The following GUCY1A1 variants were observed in gnomAD, a reference collection of about 807,000 sequenced individuals.
GUCY1A1 encodes guanylate cyclase soluble subunit alpha-1.
A neutral mutation model predicts 64.5 loss-of-function variants in GUCY1A1; 48 were observed. The observed-to-expected ratio is 0.74, with a 90% CI of 0.59 to 0.95. The LOEUF is 0.95. Among genes scored for constraint, GUCY1A1 ranks in the 40% least tolerant of loss-of-function variants. The probability of loss-of-function intolerance (pLI) is 0.00; values close to 1 mark genes in which losing one functional copy is unlikely to be tolerated. For missense variants in GUCY1A1, 804 were observed against 825.3 expected (o/e 0.97, Z 0.32); for synonymous variants, 308 against 303.4 (o/e 1.02, Z -0.16).
intron 4 of GUCY1A1, among the ~76,000 whole-genome samples, chr4:155,707,560 A>G (rs1427968125): frequency 1.3e-5 from 2 of 152,052 alleles, no homozygotes; most frequent in Admixed American, 1.3e-4. Flanking sequence ...ACTTTGAAGT[A>G]CAGTTTCCAC....
Position 155,734,929 on chromosome 4 carries a change from T to C in GUCY1A1, c.*4698T>C, listed in dbSNP as rs1735913802. The C allele has an allele frequency of 6.6e-6, 1 of 151,960 alleles. No homozygotes were observed. Among genetic ancestry groups the C allele is most frequent in the African/African-American group, 2.4e-5 (1 of 41,404 alleles). The allele number at this position is 151,960 out of a possible 1,614,324, so 9.4% of individuals were successfully genotyped here. Reference sequence around the variant, plus strand: ...AATCAATTACTGAAAGCCATAAGCTTACAGTAACGGAGCCAATTAATCCTT... The same window carrying C: ...AATCAATTACTGAAAGCCATAAGCTCACAGTAACGGAGCCAATTAATCCTT... On this transcript the variant is annotated 3_prime_UTR_variant, in exon 10 of 10. Coordinates refer to ENST00000506455, the MANE Select transcript of GUCY1A1 (RefSeq NM_001130682.3).
At chr4:155,727,565 GAT>G (rs1181581813) in intron 9 of GUCY1A1, among the ~76,000 whole-genome samples, 1 of 151,612 alleles carries the variant, frequency 6.6e-6, no homozygotes, top group Non-Finnish European at 1.5e-5. Flanking sequence ...AGTTGCTGTA[GAT>G]AGAAAAAATA....
chr4:155,669,556 A>G (rs559926343), intron 2 of GUCY1A1, among the ~76,000 whole-genome samples: 1 of 152,016 alleles, frequency 6.6e-6, no homozygotes, highest in Non-Finnish European at 1.5e-5. Context: ...AGTACTTATA[A>G]CTCTTATAAT....
chr4:155,690,244 C>G (rs1729552942), intron 2 of GUCY1A1, among the ~76,000 whole-genome samples: 1 of 152,060 alleles, frequency 6.6e-6, no homozygotes, highest in South Asian at 2.1e-4. Flanking sequence ...GAAGTAAAGT[C>G]AGAGGAATGT....
chr4:155,712,983 T>C (rs1732771105), intron 6 of GUCY1A1, 115 bp from the exon 7 acceptor site: 2 of 853,298 alleles, frequency 2.3e-6, no homozygotes, highest in South Asian at 1.8e-5. Flanking sequence ...AAATTGTTCC[T>C]TTTCAGCAGG....
intron 5 of GUCY1A1, among the ~76,000 whole-genome samples, chr4:155,708,977 C>A (rs1244721822): frequency 6.6e-6 from 1 of 151,950 alleles, no homozygotes; most frequent in Non-Finnish European, 1.5e-5. Context: ...ATACAGAGCA[C>A]CCTTGACATA....
chr4:155,717,268 A>G lies in GUCY1A1; in HGVS notation c.1682A>G (p.Asp561Gly). 6.3e-7 allele frequency: 1 copy of G among 1,596,394 alleles called. No individual in the cohort carries two copies. Residue 561 changes from aspartate to glycine, a missense_variant, in exon 8 of 10, where the codon GAT becomes GGT. Asp to Gly is a moderately conservative substitution (Grantham distance 94). Coordinates refer to ENST00000506455, the MANE Select transcript of GUCY1A1 (RefSeq NM_001130682.3). ...LMALKMMELS[D>G]EVMSPHGEPI... ...GCCCTGAAGATGATGGAGCTCTCTG[A>G]TGAAGTTATGTCTCCCCATGGAGAA...
chr4:155,703,830 T>C (rs1346302906), intron 3 of GUCY1A1, 102 bp from the exon 4 acceptor site: 3 of 737,688 alleles, frequency 4.1e-6, no homozygotes, highest in African/African-American at 3.6e-5. Context: ...TATAATGTGC[T>C]TTATTCTCGA....
chr4:155,680,812 A>C (rs1196550491), intron 2 of GUCY1A1, among the ~76,000 whole-genome samples: 2 of 152,102 alleles, frequency 1.3e-5, no homozygotes, highest in Non-Finnish European at 2.9e-5. Flanking sequence ...AGGAGGAAGA[A>C]GAAGATAAGG....
At chr4:155,712,081 T>A (rs894520051) in intron 6 of GUCY1A1, among the ~76,000 whole-genome samples, 4 of 152,196 alleles carry the variant, frequency 2.6e-5, no homozygotes, top group Admixed American at 6.5e-5. Flanking sequence ...GATATAGGTC[T>A]ATTTGGCTTT....
Position 155,710,653 on chromosome 4 carries a change from T to A in GUCY1A1, c.488T>A (p.Leu163Ter). ...GTTGGAGGCACCCTTAAAGATTTTTTAAACAGCTTCAGTACCCTTCTGAAA... is the reference window on the plus strand; with the variant it reads ...GTTGGAGGCACCCTTAAAGATTTTTAAAACAGCTTCAGTACCCTTCTGAAA... ...GVVGGTLKDF[L>*]NSFSTLLKQS... The change falls in exon 6 of 10, where the codon TTA becomes TAA. Residue 163 changes from leucine (L) to a stop codon, truncating the protein, a stop_gained. Transcript: ENST00000506455. LOFTEE classifies it high-confidence loss of function. 6.2e-7 allele frequency: 1 copy of A among 1,613,982 alleles called. No individual in the cohort carries two copies. The highest frequency in any genetic ancestry group is 8.5e-7 in the Non-Finnish European group (1 of 1,179,902).
intron 2 of GUCY1A1, among the ~76,000 whole-genome samples, chr4:155,670,855 A>T (rs1362697973): frequency 1.3e-5 from 2 of 152,214 alleles, no homozygotes; most frequent in Admixed American, 6.5e-5. Context: ...ATTAGCAGGA[A>T]GTCGACACGA....
intron 7 of GUCY1A1, among the ~76,000 whole-genome samples, chr4:155,714,826 A>C (rs984979041): frequency 6.6e-6 from 1 of 152,242 alleles, no homozygotes; most frequent in African/African-American, 2.4e-5. Flanking sequence ...GTATACTTAC[A>C]GAAAAAATAA....
At position 155,711,066 on chromosome 4, in the gene GUCY1A1, T is replaced by C. The variant is rs1732510049; in HGVS notation, c.901T>C (p.Phe301Leu). ...TGACAAAGATATGACAATTCTGCAA[T>C]TTGGCAATGGCATCAGAAGGCTGAT... is the stretch of plus-strand genomic sequence containing the variant. ...MFDKDMTILQ[F>L]GNGIRRLMNR... Residue 301 changes from phenylalanine to leucine, a missense_variant, in exon 6 of 10, where the codon TTT becomes CTT. By Grantham distance (22) the Phe-to-Leu change is conservative. Coordinates refer to ENST00000506455, the MANE Select transcript of GUCY1A1 (RefSeq NM_001130682.3). 6.2e-7 allele frequency: 1 copy of C among 1,614,142 alleles called. No individual in the cohort carries two copies. Among genetic ancestry groups the C allele is most frequent in the East Asian group, 2.2e-5 (1 of 44,874 alleles).
Position 155,710,529 on chromosome 4 carries a change from T to C in GUCY1A1, c.377-13T>C. 7.0e-7 allele frequency: 1 copy of C among 1,424,926 alleles called. No homozygotes were observed. 88.3% of individuals were successfully genotyped at this position (1,424,926 alleles called of 1,614,324 possible). On this transcript the variant is annotated splice_polypyrimidine_tract_variant and intron_variant, in intron 5 of 9. Coordinates refer to ENST00000506455, the MANE Select transcript of GUCY1A1 (RefSeq NM_001130682.3). ...ATATTTGATATGGCAGAACATGTAT[T>C]ATGTGATTTCAGGAGTTCCAGTGGA...
chr4:155,728,787 A>G (rs770476829), intron 9 of GUCY1A1, among the ~76,000 whole-genome samples: 3 of 151,882 alleles, frequency 2.0e-5, no homozygotes, highest in Non-Finnish European at 4.4e-5. Context: ...CAACTGTCCT[A>G]AGGAATATGT....
chr4:155,676,826 A>G (rs1735017097), intron 2 of GUCY1A1, among the ~76,000 whole-genome samples: 1 of 151,178 alleles, frequency 6.6e-6, no homozygotes, highest in South Asian at 2.1e-4. Flanking sequence ...TTTTGCATTT[A>G]TTTTTCTGCT....
In GUCY1A1 at chr4:155,682,278, C is replaced by T. The variant is rs566819590; in HGVS notation, c.-112-14478C>T. On this transcript the variant is annotated intron_variant, in intron 2 of 9. Coordinates refer to ENST00000506455, the MANE Select transcript of GUCY1A1 (RefSeq NM_001130682.3). ...TCCCTGATGATTCTTTTGCCACCAC[C>T]GCCTAAATCTGATATTTCTTATAAA... 3.9e-5 allele frequency among the ~76,000 whole-genome samples: 6 copies of T among 152,216 alleles called. No individual in the cohort carries two copies. The East Asian group carries it at 9.6e-4, about 24-fold the overall frequency.
At chr4:155,725,312 T>C (rs1041747246) in intron 9 of GUCY1A1, among the ~76,000 whole-genome samples, 13 of 152,092 alleles carry the variant, frequency 8.5e-5, no homozygotes, top group African/African-American at 2.9e-4. Context: ...AACCTGAGAA[T>C]TGGAAAAATC....
Sources: gnomAD v4.1 joint callset for allele counts (sites outside exome capture counted in the v4.1 genomes callset) on GRCh38, gnomAD v4.1.1 for gene constraint, MANE v1.5 for transcripts, NCBI Gene and HGNC (gene_info 2026-07-23, HGNC 2026-07-21) for gene names.